POLN: variants seen among roughly 807,000 people sequenced by gnomAD.
POLN encodes the protein DNA polymerase N.
A neutral mutation model predicts 113.5 loss-of-function variants in POLN; 108 were observed. The observed-to-expected ratio is 0.95, with a 90% CI of 0.81 to 1.12. The LOEUF (loss-of-function observed/expected upper bound fraction) is 1.12. POLN is among the 50% of genes most tolerant of loss of function. The pLI is 0.00. For synonymous variants in POLN, 386 were observed against 391.5 expected (o/e 0.99, Z 0.17); for missense variants, 1,097 against 1,077.1 (o/e 1.02, Z -0.26).
intron 24 of POLN, 38 bp from the exon 25 acceptor site, chr4:2,073,067 T>C: frequency 6.2e-7 from 1 of 1,604,686 alleles, no homozygotes; most frequent in Non-Finnish European, 8.5e-7. Context: ...TGCTGGTCTC[T>C]TGGCCTTGGG....
intron 5 of POLN, among the ~76,000 whole-genome samples, chr4:2,200,463 T>C (rs1479739991): frequency 6.6e-6 from 1 of 152,164 alleles, no homozygotes; most frequent in East Asian, 1.9e-4. Context: ...AGCAGATTGC[T>C]CCTGCTCCCA....
At chr4:2,218,277 C>CAAAA (rs376746658) in intron 3 of POLN, among the ~76,000 whole-genome samples, 2,532 of 89,744 alleles carry the variant, frequency 0.028, 101 homozygotes, top group African/African-American at 0.09. Context: ...ACTAAAAATA[C>CAAAA]AAAAAAAAAA....
chr4:2,095,547 C>A (rs755781070), intron 20 of POLN, among the ~76,000 whole-genome samples: 1 of 152,200 alleles, frequency 6.6e-6, no homozygotes, highest in South Asian at 2.1e-4. Flanking sequence ...AGGGTCTCCT[C>A]GAAGGTCTCC....
chr4:2,140,305 C>T (rs1435536654), intron 16 of POLN, among the ~76,000 whole-genome samples: 4 of 152,126 alleles, frequency 2.6e-5, no homozygotes, highest in Non-Finnish European at 5.9e-5. Flanking sequence ...TCTCGAACTC[C>T]TGAACTTATG....
At chr4:2,236,876 T>C (rs1445186824) in intron 2 of POLN, among the ~76,000 whole-genome samples, 1 of 149,010 alleles carries the variant, frequency 6.7e-6, no homozygotes, top group Admixed American at 6.7e-5. Context: ...ATAATAATAA[T>C]AATAATTATA....
At chr4:2,193,123 C>G in intron 7 of POLN, 81 bp downstream of exon 7, 1 of 1,074,974 alleles carries the variant, frequency 9.3e-7, no homozygotes, top group Non-Finnish European at 1.4e-6. Flanking sequence ...TGTGACATGG[C>G]TGCCCTCACC....
At chr4:2,238,760 T>A in intron 2 of POLN, 1 of 1,613,848 alleles carries the variant, frequency 6.2e-7, no homozygotes, top group South Asian at 1.1e-5. Flanking sequence ...TATGTCCCGA[T>A]GCTTTCTTAA....
chr4:2,183,336 A>G (rs1331385947), intron 7 of POLN, among the ~76,000 whole-genome samples: 1 of 152,216 alleles, frequency 6.6e-6, no homozygotes, highest in Admixed American at 6.5e-5. Context: ...ATGTCCACGC[A>G]AAGACCTTTA....
Position 2,173,549 on chromosome 4 carries a change from T to C in POLN, c.1374+406A>G, listed in dbSNP as rs73081203. On this transcript the variant is annotated intron_variant, in intron 11 of 25. Coordinates refer to ENST00000511885, the MANE Select transcript of POLN (RefSeq NM_181808.4). The stretch of plus-strand genomic sequence containing the variant: ...TCACCCTTCCCAGTCTCTGTGTCTA[T>C]TTTCCCACTCTCCACCTACATGTGT... Among the ~76,000 whole-genome samples the C allele has an allele frequency of 4.6e-3, 702 of 152,242 alleles. 6 individuals carry two copies. The highest frequency in any genetic ancestry group is 0.016 in the African/African-American group (669 of 41,534).
At chr4:2,161,239 C>T (rs1390919028) in intron 13 of POLN, among the ~76,000 whole-genome samples, 1 of 152,236 alleles carries the variant, frequency 6.6e-6, no homozygotes, top group Non-Finnish European at 1.5e-5. Flanking sequence ...AGGCGGGAGC[C>T]GGCTCCCTCA....
chr4:2,240,167 T>C (rs918842790), intron 2 of POLN: 11 of 1,614,030 alleles, frequency 6.8e-6, no homozygotes, highest in African/African-American at 5.3e-5. Context: ...TAGCCATCTC[T>C]AGTCGTCTCT....
intron 7 of POLN, among the ~76,000 whole-genome samples, chr4:2,185,947 C>T (rs1409440633): frequency 6.6e-6 from 1 of 152,086 alleles, no homozygotes; most frequent in Non-Finnish European, 1.5e-5. Flanking sequence ...ACAAGAAAGC[C>T]GGCTTCACTC....
At chr4:2,149,577 T>C (rs1156886767) in intron 16 of POLN, among the ~76,000 whole-genome samples, 1 of 152,132 alleles carries the variant, frequency 6.6e-6, no homozygotes, top group Admixed American at 6.6e-5. Context: ...AGACTGATCT[T>C]GAACTCCTGG....
At chr4:2,124,451 T>A (rs928359669) in intron 19 of POLN, among the ~76,000 whole-genome samples, 17 of 151,878 alleles carry the variant, frequency 1.1e-4, no homozygotes, top group East Asian at 5.8e-4. Context: ...TAAAAAAAAA[T>A]TTTTTTTGTA....
rs1202410229 is a variant in POLN at position 2,171,157 on chromosome 4, C to T, written c.1399G>A (p.Glu467Lys). ...CGTTCTCCTGCAACAAAATGAGCTT[C>T]TTGCTCCAATTCCTTGAGACGAGCC... Reference protein sequence around the residue: ...LGARLKELEQEAHFVAGERFL... With the variant: ...LGARLKELEQKAHFVAGERFL... Residue 467 changes from glutamate (E) to lysine (K), a missense_variant, in exon 12 of 26, where the codon GAA becomes AAA. Physicochemically the swap from Glu to Lys is moderately conservative, Grantham distance 56 (BLOSUM62 1). Transcript: ENST00000511885. 1.3e-5 allele frequency: 21 copies of T among 1,613,564 alleles called. No homozygotes were observed. The Middle Eastern group carries it at 4.9e-4, about 38-fold the overall frequency.
chr4:2,193,245 A>T lies in POLN; in HGVS notation c.980T>A (p.Ile327Lys). The T allele has an allele frequency of 6.2e-7, 1 of 1,610,874 alleles. No individual in the cohort carries two copies. The highest frequency in any genetic ancestry group is 8.5e-7 in the Non-Finnish European group (1 of 1,178,536). The change falls in exon 7 of 26, where the codon ATA becomes AAA. Residue 327 changes from isoleucine (I) to lysine (K), a missense_variant. Ile to Lys is a moderately radical substitution (Grantham distance 102, BLOSUM62 -3). Coordinates refer to ENST00000511885, the MANE Select transcript of POLN (RefSeq NM_181808.4). ...ICFNAKDFVRIVLQFFGNDGS... is the reference protein window; with the variant it reads ...ICFNAKDFVRKVLQFFGNDGS... ...ATCATTGCCAAAAAACTGCAGCACTATTCTCACAAAATCCTTAGCATTAAA... is the reference window on the plus strand; with the variant it reads ...ATCATTGCCAAAAAACTGCAGCACTTTTCTCACAAAATCCTTAGCATTAAA...
At chr4:2,072,765 C>T (rs1577673825) in intron 25 of POLN, among the ~76,000 whole-genome samples, 2 of 152,090 alleles carry the variant, frequency 1.3e-5, no homozygotes, top group South Asian at 2.1e-4. Flanking sequence ...CCCCGGCTGC[C>T]GTCCCTGTTC....
At chr4:2,147,876 C>A (rs1458202320) in intron 16 of POLN, among the ~76,000 whole-genome samples, 3 of 152,046 alleles carry the variant, frequency 2.0e-5, no homozygotes, top group Non-Finnish European at 4.4e-5. Context: ...CTCCTGACCT[C>A]AGGTGATCTG....
At chr4:2,230,374 A>G (rs1311358632) in intron 2 of POLN, 1 of 152,194 alleles carries the variant, frequency 6.6e-6, no homozygotes, top group Non-Finnish European at 1.5e-5. Context: ...GCTACCATAA[A>G]CCAGGAAACC....
Sources: allele counts gnomAD v4.1 joint callset (sites outside exome capture counted in the v4.1 genomes callset), GRCh38; gene constraint gnomAD v4.1.1; transcripts MANE v1.5; gene names NCBI Gene and HGNC (gene_info 2026-07-23, HGNC 2026-07-21).